Variants in PSD3 observed in about 807,000 individuals in gnomAD.
The protein encoded by PSD3 is PH and SEC7 domain-containing protein 3.
PSD3 carries 49 observed loss-of-function variants against 105.5 expected under a neutral mutation model. That is an observed-to-expected ratio of 0.46 (90% confidence interval 0.37 to 0.59). The LOEUF (loss-of-function observed/expected upper bound fraction) is 0.59. Among genes scored for constraint, PSD3 ranks in the 20% least tolerant of loss-of-function variants. The pLI, the probability that PSD3 is intolerant of heterozygous loss-of-function variation, is 0.00. For missense variants in PSD3, 1,561 were observed against 1,263.8 expected (o/e 1.24, Z -3.57); for synonymous variants, 557 against 457.8 (o/e 1.22, Z -2.77).
intron 11 of PSD3, among the ~76,000 whole-genome samples, chr8:18,614,378 G>A (rs548845433): frequency 7.4e-6 from 1 of 134,960 alleles, no homozygotes; most frequent in South Asian, 2.3e-4. Context: ...AAACTAGCAT[G>A]TAGATGGCAT....
intron 9 of PSD3, among the ~76,000 whole-genome samples, chr8:18,708,284 A>T (rs1442512319): frequency 6.6e-6 from 1 of 152,202 alleles, no homozygotes; most frequent in Non-Finnish European, 1.5e-5. Context: ...GAGTAACAGT[A>T]ATTCCTCTAC....
At chr8:18,929,172 T>C (rs11996563) in intron 2 of PSD3, among the ~76,000 whole-genome samples, 14,074 of 152,054 alleles carry the variant, frequency 0.093, 1,115 homozygotes, top group East Asian at 0.32. Flanking sequence ...CAGACAAGGA[T>C]ACAGATTTGT....
intron 1 of PSD3, among the ~76,000 whole-genome samples, chr8:19,066,862 T>G (rs1829091560): frequency 6.6e-6 from 1 of 152,228 alleles, no homozygotes; most frequent in African/African-American, 2.4e-5. Context: ...TTCCTAACCA[T>G]GAAAACCAGG....
chr8:18,944,242 T>G (rs959583379), intron 1 of PSD3, among the ~76,000 whole-genome samples: 1 of 152,144 alleles, frequency 6.6e-6, no homozygotes, highest in Non-Finnish European at 1.5e-5. Context: ...TCTGCCAGGT[T>G]TCACCACTGA....
chr8:18,715,786 C>T (rs1802543833), intron 9 of PSD3, among the ~76,000 whole-genome samples: 2 of 152,194 alleles, frequency 1.3e-5, no homozygotes, highest in Admixed American at 1.3e-4. Context: ...TTTCTTCTTA[C>T]TCCAACCCTC....
chr8:18,550,426 T>A (rs967548115), intron 15 of PSD3, among the ~76,000 whole-genome samples: 1 of 152,234 alleles, frequency 6.6e-6, no homozygotes, highest in African/African-American at 2.4e-5. Flanking sequence ...ACTGTTGATC[T>A]TACATCTCTA....
intron 1 of PSD3, among the ~76,000 whole-genome samples, chr8:19,053,235 G>T (rs1828592215): frequency 6.6e-6 from 1 of 152,112 alleles, no homozygotes. Context: ...ACGTCTTAAA[G>T]GCAGGTGGTG....
At position 18,688,948 on chromosome 8, in the gene PSD3, C is replaced by G. The variant is rs534775498; in HGVS notation, c.2173-33263G>C. Among the ~76,000 whole-genome samples, 6 of 152,288 alleles carry G rather than the reference C, an allele frequency of 3.9e-5. No individual in the cohort carries two copies. In the South Asian group the frequency reaches 1.2e-3, roughly 32 times the overall value. On this transcript the variant is annotated intron_variant, in intron 9 of 15. Coordinates refer to ENST00000327040, the MANE Select transcript of PSD3 (RefSeq NM_015310.4). Reference sequence around the variant, plus strand: ...CAGAAAGTGAAGGTGACTTCCATAACAAATCAAAATAGCAGGAGACATTTA... The same window carrying G: ...CAGAAAGTGAAGGTGACTTCCATAAGAAATCAAAATAGCAGGAGACATTTA...
At chr8:18,705,288 G>A (rs1239135572) in intron 9 of PSD3, among the ~76,000 whole-genome samples, 1 of 152,148 alleles carries the variant, frequency 6.6e-6, no homozygotes, top group Non-Finnish European at 1.5e-5. Context: ...AGCCCTTTGG[G>A]AGGCCAAGCC....
At chr8:19,043,080 A>T (rs1828181320) in intron 1 of PSD3, among the ~76,000 whole-genome samples, 1 of 152,200 alleles carries the variant, frequency 6.6e-6, no homozygotes, top group East Asian at 1.9e-4. Flanking sequence ...CTTATAAAAA[A>T]TGGGCAGAAC....
chr8:18,799,101 T>C, intron 8 of PSD3, 194 bp downstream of exon 8: 1 of 542,620 alleles, frequency 1.8e-6, no homozygotes, highest in Non-Finnish European at 3.3e-6. Context: ...GGACGATGGA[T>C]TTAAAGTCAT....
At chr8:18,897,517 T>C (rs1489795176) in intron 2 of PSD3, among the ~76,000 whole-genome samples, 1 of 152,220 alleles carries the variant, frequency 6.6e-6, no homozygotes, top group Non-Finnish European at 1.5e-5. Flanking sequence ...ATTTTAGGAC[T>C]GTTTTTTCTA....
At chr8:18,741,304 A>C (rs1804555213) in intron 9 of PSD3, among the ~76,000 whole-genome samples, 1 of 152,130 alleles carries the variant, frequency 6.6e-6, no homozygotes, top group South Asian at 2.1e-4. Context: ...TGGACTCTGA[A>C]AGCCTCCTTA....
chr8:18,696,213 C>G (rs1315002337), intron 9 of PSD3, among the ~76,000 whole-genome samples: 1 of 152,240 alleles, frequency 6.6e-6, no homozygotes, highest in Admixed American at 6.5e-5. Flanking sequence ...GTCCGTTCCT[C>G]TCTGCCCAAT....
intron 9 of PSD3, among the ~76,000 whole-genome samples, chr8:18,743,859 G>A (rs1804769230): frequency 6.6e-6 from 1 of 151,712 alleles, no homozygotes; most frequent in South Asian, 2.1e-4. Flanking sequence ...GGAGGTTAAG[G>A]TGGGAGGATC....
At chr8:18,913,629 C>A (rs1820390581) in intron 2 of PSD3, among the ~76,000 whole-genome samples, 1 of 152,110 alleles carries the variant, frequency 6.6e-6, no homozygotes, top group Non-Finnish European at 1.5e-5. Context: ...GACCCAGGCC[C>A]ATCCCTAGGG....
intron 11 of PSD3, among the ~76,000 whole-genome samples, chr8:18,608,135 G>C (rs983761375): frequency 6.6e-6 from 1 of 152,166 alleles, no homozygotes. Flanking sequence ...TAGGAGGACT[G>C]TTTCAGTCCA....
intron 1 of PSD3, among the ~76,000 whole-genome samples, chr8:18,961,375 T>C (rs1823906344): frequency 6.6e-6 from 1 of 151,904 alleles, no homozygotes; most frequent in African/African-American, 2.4e-5. Flanking sequence ...AGGACAAAAA[T>C]AACAGAAGAG....
At chr8:18,580,543 C>G (rs894152767) in intron 12 of PSD3, among the ~76,000 whole-genome samples, 11 of 151,922 alleles carry the variant, frequency 7.2e-5, no homozygotes, top group African/African-American at 2.7e-4. Context: ...CAGTGAGAAT[C>G]TGTGTCAAAA....
Sources: gnomAD v4.1 joint callset for allele counts (sites outside exome capture counted in the v4.1 genomes callset) on GRCh38, gnomAD v4.1.1 for gene constraint, MANE v1.5 for transcripts, NCBI Gene and HGNC (gene_info 2026-07-23, HGNC 2026-07-21) for gene names.